RB1: variants seen among roughly 807,000 people sequenced by gnomAD.
The protein encoded by RB1 is RB transcriptional corepressor 1.
A neutral mutation model predicts 135.4 loss-of-function variants in RB1; 18 were observed. That is an observed-to-expected ratio of 0.13 (90% CI 0.09 to 0.20). The LOEUF is 0.20. Among genes scored for constraint, RB1 ranks in the 10% least tolerant of loss-of-function variants. The pLI, the probability that RB1 is intolerant of heterozygous loss-of-function variation, is 1.00. For missense variants in RB1, 868 were observed against 1,110.0 expected, an observed-to-expected ratio of 0.78 and a Z score of 3.10; for synonymous variants, 365 against 373.2, an observed-to-expected ratio of 0.98 and a Z score of 0.25.
At chr13:48,435,756 G>A (rs1413880814) in intron 17 of RB1, among the ~76,000 whole-genome samples, 1 of 151,864 alleles carries the variant, frequency 6.6e-6, no homozygotes, top group Non-Finnish European at 1.5e-5. Context: ...TTTTTTAGGG[G>A]GTGCTGAGTT....
intron 4 of RB1, among the ~76,000 whole-genome samples, chr13:48,346,370 ATGTGTGTGTG>A (rs61503219): frequency 0.036 from 4,677 of 131,106 alleles, 192 homozygotes; most frequent in African/African-American, 0.1. Context: ...TATTATATAT[ATGTGTGTGTG>A]TGTGTGTGTG....
At position 48,465,380 on chromosome 13, in the gene RB1, C is replaced by T. The variant is rs2138346359; in HGVS notation, c.2489+12C>T. The T allele has an allele frequency of 1.9e-6, 3 of 1,582,142 alleles. No individual in the cohort carries two copies. Among genetic ancestry groups the T allele is most frequent in the Non-Finnish European group, 2.6e-6 (3 of 1,151,102 alleles). ...ACTCCAAGATCAAGGTGTGTGTTTT[C>T]TCTTTAGGGAAGTAGTAAAGAATGA... is the stretch of plus-strand genomic sequence containing the variant. On this transcript the variant is annotated intron_variant, in intron 23 of 26. Coordinates refer to ENST00000267163, the MANE Select transcript of RB1 (RefSeq NM_000321.3).
intron 1 of RB1, 130 bp downstream of exon 1, chr13:48,304,179 C>T (rs1952056961): frequency 2.9e-6 from 3 of 1,030,096 alleles, no homozygotes; most frequent in Non-Finnish European, 3.8e-6. Context: ...GAGGCGCCCT[C>T]CCTGCCCCCC....
intron 17 of RB1, chr13:48,429,213 G>A (rs1398574860): frequency 1.3e-5 from 2 of 152,188 alleles, no homozygotes; most frequent in African/African-American, 4.8e-5. Flanking sequence ...AGAAAATATT[G>A]TAGACTTAGA....
intron 7 of RB1, among the ~76,000 whole-genome samples, chr13:48,361,968 A>C (rs1417153602): frequency 7.2e-6 from 1 of 138,406 alleles, no homozygotes; most frequent in Non-Finnish European, 1.5e-5. Flanking sequence ...TTTGAGGCAG[A>C]GTCTCACTCA....
At chr13:48,346,923 C>T (rs1952503781) in intron 4 of RB1, among the ~76,000 whole-genome samples, 1 of 151,244 alleles carries the variant, frequency 6.6e-6, no homozygotes, top group African/African-American at 2.4e-5. Flanking sequence ...GTATTCTATA[C>T]ATATAAGTAC....
chr13:48,477,961 ACT>A (rs1949514260), intron 26 of RB1, among the ~76,000 whole-genome samples: 2 of 152,190 alleles, frequency 1.3e-5, no homozygotes, highest in Admixed American at 1.3e-4. Context: ...ATTCAAAACT[ACT>A]CTGAGACTAG....
At chr13:48,373,988 T>A (rs903943545) in intron 12 of RB1, among the ~76,000 whole-genome samples, 1 of 152,262 alleles carries the variant, frequency 6.6e-6, no homozygotes, top group Admixed American at 6.5e-5. Context: ...AATTAAGAAG[T>A]CTTATGCCAC....
At chr13:48,369,417 T>C (rs377487303) in intron 11 of RB1, among the ~76,000 whole-genome samples, 11 of 152,322 alleles carry the variant, frequency 7.2e-5, no homozygotes, top group African/African-American at 2.6e-4. Flanking sequence ...ATTGTTCCTG[T>C]CTCCTCACCA....
intron 23 of RB1, among the ~76,000 whole-genome samples, chr13:48,466,125 A>G (rs958728000): frequency 1.3e-4 from 19 of 149,228 alleles, no homozygotes; most frequent in East Asian, 2.0e-4. Context: ...AAACAAAAAG[A>G]CAGCAGTAAC....
rs146396889 is a variant in RB1, at chr13:48,320,022, G to A, written c.264+12616G>A. On this transcript the variant is annotated intron_variant, in intron 2 of 26. Transcript: ENST00000267163. ...GCCCTGGAAGGCTGGGCTGCGCCTGGCTGGCCCCTGCCAGCCCCGGGCTGT... is the reference window on the plus strand; with the variant it reads ...GCCCTGGAAGGCTGGGCTGCGCCTGACTGGCCCCTGCCAGCCCCGGGCTGT... The A allele has an allele frequency of 3.2e-3, 1,422 of 445,468 alleles. 8 individuals are homozygous for A. Among genetic ancestry groups the A allele is most frequent in the Middle Eastern group, 0.017 (22 of 1,322 alleles). 27.6% of individuals were successfully genotyped at this position (445,468 alleles called of 1,614,324 possible). A position where few individuals can be genotyped will look rare whatever the true frequency, so the allele number is the denominator to read the frequency against.
chr13:48,380,182 A>T lies in RB1; in HGVS notation c.1439A>T (p.Asn480Ile), dbSNP rs1555286598. The T allele has an allele frequency of 6.3e-7, 1 of 1,599,008 alleles. No individual in the cohort carries two copies. The highest frequency in any genetic ancestry group is 1.1e-5 in the South Asian group (1 of 87,592). The stretch of plus-strand genomic sequence containing the variant: ...TCCTTTAGCAAACTTCTGAATGACA[A>T]CATTTTTCATATGTCTTTATTGGCG... ...IQNFSKLLND[N>I]IFHMSLLACA... Residue 480 changes from asparagine to isoleucine, a missense_variant, in exon 16 of 27, where the codon AAC (asparagine) becomes ATC (isoleucine). Coordinates refer to ENST00000267163, the MANE Select transcript of RB1 (RefSeq NM_000321.3).
Position 48,472,721 on chromosome 13 carries a change from A to G in RB1, c.2490-639A>G, listed in dbSNP as rs4151607. Among the ~76,000 whole-genome samples the G allele has an allele frequency of 8.2e-3, 1,250 of 152,228 alleles. 15 individuals are homozygous for G. The highest frequency in any genetic ancestry group is 0.029 in the African/African-American group (1,193 of 41,520). On this transcript the variant is annotated intron_variant, in intron 23 of 26. Transcript: ENST00000267163. ...TAGGTACTCTGGTTAATCAAATATTATATGTAGAGTGATGGCCACTTATCA... is the reference window on the plus strand; with the variant it reads ...TAGGTACTCTGGTTAATCAAATATTGTATGTAGAGTGATGGCCACTTATCA...
At chr13:48,394,913 T>C (rs574419956) in intron 17 of RB1, among the ~76,000 whole-genome samples, 1 of 152,330 alleles carries the variant, frequency 6.6e-6, no homozygotes, top group African/African-American at 2.4e-5. Flanking sequence ...ACAGACTGTC[T>C]CCTCAAGTGG....
chr13:48,358,344 G>C lies in RB1; in HGVS notation c.608-1673G>C, dbSNP rs1952610739. Among the ~76,000 whole-genome samples the C allele has an allele frequency of 2.0e-5, 3 of 151,946 alleles. No homozygotes were observed. In the South Asian group the frequency reaches 6.2e-4, roughly 31 times the overall value. On this transcript the variant is annotated intron_variant, in intron 6 of 26. Transcript: ENST00000267163. Reference sequence around the variant, plus strand: ...GACTGTATATGTGTAACCCTGATTTGATGTTCTGTTTTCTCTGATTTAATG... The same window carrying C: ...GACTGTATATGTGTAACCCTGATTTCATGTTCTGTTTTCTCTGATTTAATG...
chr13:48,398,406 G>T (rs1287487403), intron 17 of RB1, among the ~76,000 whole-genome samples: 1 of 151,982 alleles, frequency 6.6e-6, no homozygotes, highest in Admixed American at 6.6e-5. Flanking sequence ...TGTTCTAAAT[G>T]CAACTTTGCT....
intron 8 of RB1, 109 bp from the exon 9 acceptor site, chr13:48,364,785 T>C: frequency 7.9e-7 from 1 of 1,258,216 alleles, no homozygotes; most frequent in East Asian, 2.7e-5. Context: ...ACAGATTTTT[T>C]ACTGCATGGG....
intron 17 of RB1, among the ~76,000 whole-genome samples, chr13:48,402,642 G>T (rs1025107248): frequency 1.3e-5 from 2 of 152,004 alleles, no homozygotes; most frequent in Admixed American, 6.6e-5. Flanking sequence ...TTCCCAAAGT[G>T]CTGGGATTAG....
At position 48,336,470 on chromosome 13, in the gene RB1, C is replaced by T. The variant is rs567632247; in HGVS notation, c.265-6129C>T. 3.3e-5 allele frequency among the ~76,000 whole-genome samples: 5 copies of T among 152,082 alleles called. No homozygotes were observed. In the South Asian group the frequency reaches 8.3e-4, roughly 25 times the overall value. On this transcript the variant is annotated intron_variant, in intron 2 of 26. Coordinates refer to ENST00000267163, the MANE Select transcript of RB1 (RefSeq NM_000321.3). ...TCTTCTAGATTTTCTAGTTTATTTG[C>T]GTAGAGGTGTTTATAGTATTCTCTG... is the stretch of plus-strand genomic sequence containing the variant.
Sources: gnomAD v4.1 joint callset for allele counts (sites outside exome capture counted in the v4.1 genomes callset) on GRCh38, gnomAD v4.1.1 for gene constraint, MANE v1.5 for transcripts, NCBI Gene and HGNC (gene_info 2026-07-23, HGNC 2026-07-21) for gene names.